MAPT: variants seen among roughly 807,000 people sequenced by gnomAD.
The protein encoded by MAPT is microtubule associated protein tau.
MAPT carries 34 observed loss-of-function variants against 67.9 expected under a neutral mutation model. The observed-to-expected ratio is 0.50, with a 90% CI of 0.38 to 0.67. MAPT has a LOEUF of 0.67. Ranked by LOEUF, MAPT falls within the 30% of genes least tolerant of loss-of-function variation. The pLI is 0.00. For synonymous variants in MAPT, 456 were observed against 464.5 expected, an observed-to-expected ratio of 0.98 and a Z score of 0.23; for missense variants, 881 against 1,115.2, an observed-to-expected ratio of 0.79 and a Z score of 2.99.
chr17:45,900,741 C>T (rs1301622148), intron 1 of MAPT, among the ~76,000 whole-genome samples: 2 of 152,176 alleles, frequency 1.3e-5, no homozygotes, highest in Non-Finnish European at 2.9e-5. Context: ...CTGATCGGGC[C>T]TCCTGGGCAC....
chr17:45,956,417 C>A (rs2145198543), intron 1 of MAPT, among the ~76,000 whole-genome samples: 1 of 152,140 alleles, frequency 6.6e-6, no homozygotes, highest in South Asian at 2.1e-4. Flanking sequence ...CCAAAGGGAG[C>A]TGCTCTCTCT....
At chr17:45,958,493 G>A (rs1180415359) in intron 1 of MAPT, among the ~76,000 whole-genome samples, 1 of 152,184 alleles carries the variant, frequency 6.6e-6, no homozygotes, top group African/African-American at 2.4e-5. Flanking sequence ...GCTGAAGCAG[G>A]CGGATCACTT....
At chr17:45,911,077 T>C (rs1332085687) in intron 1 of MAPT, among the ~76,000 whole-genome samples, 3 of 152,266 alleles carry the variant, frequency 2.0e-5, no homozygotes, top group Non-Finnish European at 2.9e-5. Flanking sequence ...TCTATCCTTC[T>C]AGTTTCACAT....
chr17:45,976,455 G>A (rs2072362513), intron 3 of MAPT: 13 of 152,264 alleles, frequency 8.5e-5, no homozygotes, highest in Admixed American at 8.5e-4. Flanking sequence ...TCCTCCATGT[G>A]GTGGGGAGGT....
At chr17:45,907,297 G>A (rs1471351788) in intron 1 of MAPT, among the ~76,000 whole-genome samples, 1 of 152,100 alleles carries the variant, frequency 6.6e-6, no homozygotes, top group Admixed American at 6.5e-5. Context: ...ACCTTCCTCA[G>A]TGTCCATCTT....
At chr17:45,967,705 G>A (rs926428246) in intron 2 of MAPT, among the ~76,000 whole-genome samples, 3 of 152,002 alleles carry the variant, frequency 2.0e-5, no homozygotes, top group African/African-American at 7.3e-5. Flanking sequence ...GCCCCATCCT[G>A]AAACTGACTC....
At chr17:46,011,301 T>G (rs2075802453) in intron 10 of MAPT, among the ~76,000 whole-genome samples, 1 of 151,984 alleles carries the variant, frequency 6.6e-6, no homozygotes, top group South Asian at 2.1e-4. Flanking sequence ...GAGGCTGAGG[T>G]GGGAGGATTG....
intron 1 of MAPT, among the ~76,000 whole-genome samples, chr17:45,903,908 AT>A (rs1222086768): frequency 2.2e-5 from 1 of 44,998 alleles, no homozygotes; most frequent in Admixed American, 4.4e-4. Context: ...ATATATTTAT[AT>A]ATTATATATT....
chr17:45,969,114 A>G (rs2071384983), intron 2 of MAPT: 1 of 152,224 alleles, frequency 6.6e-6, no homozygotes, highest in Non-Finnish European at 1.5e-5. Context: ...CAGCAGAGGA[A>G]ACCCATTCAG....
chr17:45,992,552 A>T (rs192462336), intron 8 of MAPT, among the ~76,000 whole-genome samples: 35 of 152,280 alleles, frequency 2.3e-4, no homozygotes, highest in Non-Finnish European at 3.4e-4. Flanking sequence ...TTGAGTACCC[A>T]GTAAGGCATC....
chr17:45,946,764 A>G (rs182161916), intron 1 of MAPT, among the ~76,000 whole-genome samples: 61 of 151,914 alleles, frequency 4.0e-4, no homozygotes, highest in African/African-American at 1.4e-3. Context: ...GCTTTTAGTT[A>G]AAACAAACAA....
chr17:45,999,426 C>A, intron 9 of MAPT: 2 of 1,614,062 alleles, frequency 1.2e-6, no homozygotes, highest in South Asian at 2.2e-5. Context: ...GAACCCTCAG[C>A]TTAGCATGGG....
At chr17:45,969,102 G>A (rs1172528410) in intron 2 of MAPT, 1 of 152,188 alleles carries the variant, frequency 6.6e-6, no homozygotes, top group Non-Finnish European at 1.5e-5. Context: ...AGGACAATTA[G>A]ACAGCAGAGG....
Position 45,990,180 on chromosome 17 carries a change from T to C in MAPT, c.1605+105T>C, listed in dbSNP as rs17651754. The C allele has an allele frequency of 0.17, 172,683 of 1,026,422 alleles. 17,635 individuals carry two copies. Among genetic ancestry groups the C allele is most frequent in the Non-Finnish European group, 0.21 (137,215 of 661,990 alleles). 63.6% of individuals were successfully genotyped at this position (1,026,422 alleles called of 1,614,324 possible). A position where few individuals can be genotyped will look rare whatever the true frequency, so the allele number is the denominator to read the frequency against. On this transcript the variant is annotated intron_variant, in intron 7 of 12. Coordinates refer to ENST00000262410, the MANE Select transcript of MAPT (RefSeq NM_001377265.1). ...CCTCAAAGACCTTTCTTCAAATGAG[T>C]TCTGGCATAGAAGCACCGTGTAAAA...
At chr17:46,022,353 CA>C (rs56222318) in intron 12 of MAPT, among the ~76,000 whole-genome samples, 3,401 of 89,652 alleles carry the variant, frequency 0.038, 87 homozygotes, top group African/African-American at 0.13. Context: ...ATCTTTGTCT[CA>C]AAAAAAAAAA....
At chr17:45,951,482 G>A (rs749657827) in intron 1 of MAPT, among the ~76,000 whole-genome samples, 3 of 151,862 alleles carry the variant, frequency 2.0e-5, no homozygotes, top group Admixed American at 6.6e-5. Flanking sequence ...CTCGCCCTCC[G>A]ACGTCTTCTT....
At chr17:45,940,819 C>T (rs2067785440) in intron 1 of MAPT, among the ~76,000 whole-genome samples, 1 of 152,150 alleles carries the variant, frequency 6.6e-6, no homozygotes. Flanking sequence ...GTAATGAGCT[C>T]CCTGTCATTG....
At chr17:45,969,850 T>A (rs62641967) in intron 2 of MAPT, among the ~76,000 whole-genome samples, 14 of 151,882 alleles carry the variant, frequency 9.2e-5, no homozygotes, top group Non-Finnish European at 1.9e-4. Context: ...TCATTCATTC[T>A]TCCATCGATT....
intron 1 of MAPT, among the ~76,000 whole-genome samples, chr17:45,942,325 G>A (rs1378889326): frequency 6.6e-6 from 1 of 152,196 alleles, no homozygotes; most frequent in African/African-American, 2.4e-5. Flanking sequence ...TCCTTACAAA[G>A]CAGTTGGCTT....
Sources: gnomAD v4.1 joint callset for allele counts (sites outside exome capture counted in the v4.1 genomes callset) on GRCh38, gnomAD v4.1.1 for gene constraint, MANE v1.5 for transcripts, NCBI Gene and HGNC (gene_info 2026-07-23, HGNC 2026-07-21) for gene names.